The following FSTL4 variants were observed in gnomAD, a reference collection of about 807,000 sequenced individuals.
FSTL4 encodes follistatin like 4.
A neutral mutation model predicts 78.2 loss-of-function variants in FSTL4; 28 were observed. The ratio of observed to expected loss-of-function variants is 0.36; its 90% CI spans 0.27 to 0.49. The LOEUF is 0.49. FSTL4 is among the 20% of genes least tolerant of loss of function. The pLI is 0.98. For missense variants in FSTL4, 922 were observed against 1,084.9 expected, an observed-to-expected ratio of 0.85 and a Z score of 2.11; for synonymous variants, 422 against 440.5, an observed-to-expected ratio of 0.96 and a Z score of 0.53.
chr5:133,427,861 C>T (rs1290364590), intron 3 of FSTL4, among the ~76,000 whole-genome samples: 2 of 152,190 alleles, frequency 1.3e-5, no homozygotes, highest in Non-Finnish European at 2.9e-5. Flanking sequence ...TTGGGTTTCT[C>T]TGGGGAGGTG....
chr5:133,674,585 A>ATG, the FSTL4 span, among the ~76,000 whole-genome samples: 3,951 of 149,996 alleles, frequency 0.026, 65 homozygotes, highest in Admixed American at 0.057. Context: ...AGACTTCCAT[A>ATG]TGTGTGTGTG....
At chr5:133,213,999 G>A (rs926508938) in intron 13 of FSTL4, among the ~76,000 whole-genome samples, 5 of 152,204 alleles carry the variant, frequency 3.3e-5, no homozygotes, top group African/African-American at 7.2e-5. Flanking sequence ...AGCATTACCA[G>A]AGATAAAGAG....
At chr5:133,341,535 G>C (rs1754582294) in intron 4 of FSTL4, among the ~76,000 whole-genome samples, 1 of 152,106 alleles carries the variant, frequency 6.6e-6, no homozygotes, top group Non-Finnish European at 1.5e-5. Flanking sequence ...GGACAGGCCG[G>C]TGGAGACCTC....
chr5:133,317,619 A>G (rs1229806223), intron 4 of FSTL4, among the ~76,000 whole-genome samples: 1 of 152,202 alleles, frequency 6.6e-6, no homozygotes, highest in Non-Finnish European at 1.5e-5. Flanking sequence ...AGAGTTGGAG[A>G]GTCAATAGAA....
the FSTL4 span, among the ~76,000 whole-genome samples, chr5:133,671,904 G>A: frequency 1.8e-3 from 268 of 152,348 alleles, 1 homozygote; most frequent in Middle Eastern, 0.01. Context: ...AGAACGTAAA[G>A]TACATTGATT....
chr5:133,230,144 C>T (rs1420887716), intron 8 of FSTL4, among the ~76,000 whole-genome samples: 1 of 152,190 alleles, frequency 6.6e-6, no homozygotes, highest in Non-Finnish European at 1.5e-5. Context: ...AGGTGGCCAG[C>T]ACCAGGGCTG....
chr5:133,320,134 G>A (rs1580612787), intron 4 of FSTL4, among the ~76,000 whole-genome samples: 1 of 152,258 alleles, frequency 6.6e-6, no homozygotes, highest in East Asian at 1.9e-4. Context: ...AGTGGGGGAG[G>A]GAAAACTTCC....
At chr5:133,724,937 A>C in the FSTL4 span, among the ~76,000 whole-genome samples, 1 of 152,240 alleles carries the variant, frequency 6.6e-6, no homozygotes, top group Non-Finnish European at 1.5e-5. Context: ...CCTTATGAGC[A>C]TTCAGGCATT....
At chr5:133,723,825 C>A in the FSTL4 span, among the ~76,000 whole-genome samples, 1 of 152,294 alleles carries the variant, frequency 6.6e-6, no homozygotes, top group East Asian at 1.9e-4. Flanking sequence ...GGCCTGAGGT[C>A]CACATTGGCT....
chr5:133,754,371 A>C, the FSTL4 span, among the ~76,000 whole-genome samples: 1 of 152,240 alleles, frequency 6.6e-6, no homozygotes, highest in Non-Finnish European at 1.5e-5. Context: ...ATATATATAA[A>C]AAGATCAAAA....
intron 3 of FSTL4, among the ~76,000 whole-genome samples, chr5:133,527,037 G>A (rs1454614685): frequency 2.0e-5 from 3 of 152,168 alleles, no homozygotes; most frequent in African/African-American, 7.2e-5. Context: ...CCTGAGTGCA[G>A]CCCTCTGTCC....
At chr5:133,700,501 G>A in the FSTL4 span, among the ~76,000 whole-genome samples, 6 of 152,204 alleles carry the variant, frequency 3.9e-5, no homozygotes, top group African/African-American at 9.6e-5. Flanking sequence ...TTCTGCTCAC[G>A]ACAGGTCTGC....
the FSTL4 span, among the ~76,000 whole-genome samples, chr5:133,794,423 G>T: frequency 1.3e-5 from 2 of 152,200 alleles, no homozygotes; most frequent in East Asian, 3.9e-4. Flanking sequence ...GCCCTTAGAG[G>T]TGGCTGCTCC....
the FSTL4 span, among the ~76,000 whole-genome samples, chr5:133,746,297 C>T: frequency 6.6e-6 from 1 of 152,208 alleles, no homozygotes; most frequent in Non-Finnish European, 1.5e-5. Context: ...GTGTGATTCT[C>T]TTTCTCTTTT....
chr5:133,674,993 T>C, the FSTL4 span, among the ~76,000 whole-genome samples: 1 of 152,014 alleles, frequency 6.6e-6, no homozygotes, highest in African/African-American at 2.4e-5. Context: ...GATTGCATTC[T>C]AGTGGTGACA....
Position 133,489,170 on chromosome 5 carries a change from G to C in FSTL4, c.160+78016C>G, listed in dbSNP as rs1450808116. Among the ~76,000 whole-genome samples the C allele has an allele frequency of 2.0e-5, 3 of 152,188 alleles. No individual in the cohort carries two copies. In the South Asian group the frequency reaches 6.2e-4, roughly 31 times the overall value. ...CAAACTCTGGACCTCTGAAGTGATA[G>C]GGCAGACCCTCTGGAGAACCCGTTT... On this transcript the variant is annotated intron_variant, in intron 3 of 15. Coordinates refer to ENST00000265342, the MANE Select transcript of FSTL4 (RefSeq NM_015082.2).
the FSTL4 span, among the ~76,000 whole-genome samples, chr5:133,806,644 G>A: frequency 6.6e-6 from 1 of 152,334 alleles, no homozygotes; most frequent in African/African-American, 2.4e-5. Context: ...CCTTTCCTGA[G>A]CTCGACGTTC....
chr5:133,443,541 G>C (rs139458840), intron 3 of FSTL4, among the ~76,000 whole-genome samples: 1 of 152,188 alleles, frequency 6.6e-6, no homozygotes, highest in Non-Finnish European at 1.5e-5. Flanking sequence ...TTTACCTAAC[G>C]TGGCTGCTTT....
In FSTL4 at chr5:133,513,893, T is replaced by C. The variant is rs569321819; in HGVS notation, c.160+53293A>G. Among the ~76,000 whole-genome samples, 185 of 152,212 alleles carry C rather than the reference T, an allele frequency of 1.2e-3. 3 individuals are homozygous for C. The East Asian group carries it at 0.032, about 26-fold the overall frequency. ...CACCTCAAGAGAATTAAATAAACTG[T>C]CGGGGCCGGGCGCGGTGGCTCATGC... On this transcript the variant is annotated intron_variant, in intron 3 of 15. Coordinates refer to ENST00000265342, the MANE Select transcript of FSTL4 (RefSeq NM_015082.2).
Sources: gnomAD v4.1 joint callset for allele counts (sites outside exome capture counted in the v4.1 genomes callset) on GRCh38, gnomAD v4.1.1 for gene constraint, MANE v1.5 for transcripts, NCBI Gene and HGNC (gene_info 2026-07-23, HGNC 2026-07-21) for gene names.